RBFOX1: variants seen among roughly 807,000 people sequenced by gnomAD.
RBFOX1 encodes the protein RNA binding protein fox-1 homolog 1.
In RBFOX1, 8 loss-of-function variants were observed where a neutral mutation model predicts 57.7. That is an observed-to-expected ratio of 0.14 (90% CI 0.08 to 0.25). The LOEUF (loss-of-function observed/expected upper bound fraction) is 0.25. Ranked by LOEUF, RBFOX1 falls within the 10% of genes least tolerant of loss-of-function variation. RBFOX1 has a pLI of 1.00. For synonymous variants in RBFOX1, 326 were observed against 222.4 expected (o/e 1.47, Z -4.15); for missense variants, 611 against 548.5 (o/e 1.11, Z -1.14).
At chr16:5,358,741 C>T (rs554506067) in intron 1 of RBFOX1, among the ~76,000 whole-genome samples, 3 of 152,302 alleles carry the variant, frequency 2.0e-5, no homozygotes, top group Non-Finnish European at 2.9e-5. Flanking sequence ...GCAGGAGAAT[C>T]GCTTGAACCT....
intron 2 of RBFOX1, among the ~76,000 whole-genome samples, chr16:6,572,261 T>G (rs1310278380): frequency 1.3e-5 from 2 of 152,228 alleles, no homozygotes; most frequent in African/African-American, 4.8e-5. Context: ...TGTATCAAAT[T>G]CTATAGGACA....
intron 1 of RBFOX1, among the ~76,000 whole-genome samples, chr16:5,424,426 G>A (rs901132017): frequency 3.9e-5 from 6 of 151,970 alleles, no homozygotes; most frequent in South Asian, 2.1e-4. Context: ...TGTCCCCACC[G>A]TTAGTCTGTA....
intron 4 of RBFOX1, among the ~76,000 whole-genome samples, chr16:7,435,977 C>T (rs2098718506): frequency 6.6e-6 from 1 of 152,112 alleles, no homozygotes; most frequent in Non-Finnish European, 1.5e-5. Flanking sequence ...GACATAGCGA[C>T]CTCTTTTCTT....
intron 1 of RBFOX1, among the ~76,000 whole-genome samples, chr16:5,381,090 C>T (rs187424949): frequency 2.0e-5 from 3 of 152,250 alleles, no homozygotes; most frequent in Admixed American, 6.5e-5. Flanking sequence ...GAAATAGATA[C>T]GCCACTGGAG....
intron 2 of RBFOX1, among the ~76,000 whole-genome samples, chr16:6,624,340 A>T (rs1211151489): frequency 1.3e-5 from 2 of 152,070 alleles, no homozygotes; most frequent in Non-Finnish European, 2.9e-5. Flanking sequence ...TCCCTTGCCT[A>T]CTTTAAATTC....
chr16:5,440,032 T>C (rs572426320), intron 1 of RBFOX1, among the ~76,000 whole-genome samples: 5 of 152,314 alleles, frequency 3.3e-5, no homozygotes, highest in Middle Eastern at 6.8e-3. Context: ...AGTATTTAAA[T>C]TGGTTGAATA....
chr16:5,999,580 G>A (rs946185712), intron 4 of RBFOX1, among the ~76,000 whole-genome samples: 14 of 152,314 alleles, frequency 9.2e-5, no homozygotes, highest in African/African-American at 2.9e-4. Context: ...CGCTGGGTGC[G>A]GCTGGGCTTG....
intron 4 of RBFOX1, among the ~76,000 whole-genome samples, chr16:7,329,614 A>G (rs765858537): frequency 1.7e-4 from 26 of 152,366 alleles, no homozygotes; most frequent in African/African-American, 4.6e-4. Flanking sequence ...GACGAAGTCA[A>G]TACAACTTCA....
intron 3 of RBFOX1, among the ~76,000 whole-genome samples, chr16:6,872,480 C>A (rs779784914): frequency 2.0e-5 from 3 of 152,128 alleles, no homozygotes; most frequent in Non-Finnish European, 2.9e-5. Flanking sequence ...TAGCCCCTTG[C>A]TTTAGGTTTC....
rs554743434 is a variant in RBFOX1 at position 5,502,460 on chromosome 16, C to T, written c.258+35206C>T. ...GGACATGGAGGTTGGACCTCAGGCTCCGGCCCCTAGTGTCCCTGTTCTGGA... is the reference window on the plus strand; with the variant it reads ...GGACATGGAGGTTGGACCTCAGGCTTCGGCCCCTAGTGTCCCTGTTCTGGA... On this transcript the variant is annotated intron_variant, in intron 2 of 2. Coordinates refer to the RBFOX1 transcript ENST00000585867. 3.9e-5 allele frequency among the ~76,000 whole-genome samples: 6 copies of T among 152,252 alleles called. No individual in the cohort carries two copies. The South Asian group carries it at 1.2e-3, about 32-fold the overall frequency.
At chr16:5,724,295 C>T (rs1046547585) in intron 3 of RBFOX1, among the ~76,000 whole-genome samples, 3 of 152,188 alleles carry the variant, frequency 2.0e-5, no homozygotes, top group Admixed American at 2.0e-4. Flanking sequence ...GGCCCTTGCG[C>T]ACCCTAAAGG....
intron 4 of RBFOX1, among the ~76,000 whole-genome samples, chr16:7,460,610 A>G (rs903227017): frequency 4.6e-5 from 7 of 150,922 alleles, no homozygotes; most frequent in East Asian, 1.9e-4. Flanking sequence ...AAAAATAACT[A>G]TGGGTACTAG....
chr16:6,533,202 A>G (rs1368234124), intron 2 of RBFOX1, among the ~76,000 whole-genome samples: 4 of 152,272 alleles, frequency 2.6e-5, no homozygotes, highest in Non-Finnish European at 5.9e-5. Flanking sequence ...AGTTGTGGAC[A>G]GATCAACTAT....
intron 2 of RBFOX1, among the ~76,000 whole-genome samples, chr16:6,360,926 CA>C (rs141987020): frequency 0.026 from 3,970 of 151,940 alleles, 173 homozygotes; most frequent in African/African-American, 0.089. Context: ...ATCTTTACTT[CA>C]GGGGTGGTCC....
chr16:7,016,505 C>G (rs1174887930), intron 3 of RBFOX1, among the ~76,000 whole-genome samples: 1 of 152,154 alleles, frequency 6.6e-6, no homozygotes, highest in Admixed American at 6.5e-5. Context: ...ACAGACACAG[C>G]CACAGTGTAT....
intron 2 of RBFOX1, among the ~76,000 whole-genome samples, chr16:6,541,311 C>T (rs1457128851): frequency 6.6e-6 from 1 of 152,184 alleles, no homozygotes; most frequent in Non-Finnish European, 1.5e-5. Flanking sequence ...AAATAGGTGA[C>T]TCTGGCATTC....
intron 2 of RBFOX1, among the ~76,000 whole-genome samples, chr16:6,418,709 A>G (rs1443658129): frequency 6.6e-6 from 1 of 151,790 alleles, no homozygotes; most frequent in East Asian, 1.9e-4. Flanking sequence ...TAAAATTTTT[A>G]TAGAGATGGG....
At chr16:6,465,598 C>CTGTG (rs56131263) in intron 2 of RBFOX1, among the ~76,000 whole-genome samples, 4,351 of 144,998 alleles carry the variant, frequency 0.03, 166 homozygotes, top group East Asian at 0.14. Flanking sequence ...ATGTATAGGG[C>CTGTG]TGTGTGTGTG....
chr16:6,481,100 C>G lies in RBFOX1; in HGVS notation c.-64+164043C>G, dbSNP rs554418077. ...TGCACATTTTCCATTTTAATAGGTA[C>G]TAGTAAATCAGCTTCCCGAGAGACA... On this transcript the variant is annotated intron_variant, in intron 2 of 15. Coordinates refer to ENST00000550418, the MANE Select transcript of RBFOX1 (RefSeq NM_018723.4). Among the ~76,000 whole-genome samples the G allele has an allele frequency of 3.9e-5, 6 of 152,238 alleles. No individual in the cohort carries two copies. The South Asian group carries it at 1.2e-3, about 32-fold the overall frequency.
Sources: allele counts gnomAD v4.1 joint callset (sites outside exome capture counted in the v4.1 genomes callset), GRCh38; gene constraint gnomAD v4.1.1; transcripts MANE v1.5; gene names NCBI Gene and HGNC (gene_info 2026-07-23, HGNC 2026-07-21).